The following TOP2A variants were observed in gnomAD, a reference collection of about 807,000 sequenced individuals.
TOP2A encodes the protein DNA topoisomerase II alpha.
A neutral mutation model predicts 187.2 loss-of-function variants in TOP2A; 68 were observed. That is an observed-to-expected ratio of 0.36 (90% CI 0.30 to 0.44). TOP2A has a LOEUF of 0.44. TOP2A is among the 20% of genes least tolerant of loss of function. The pLI, the probability that TOP2A is intolerant of heterozygous loss-of-function variation, is 1.00. For missense variants in TOP2A, 1,196 were observed against 1,808.7 expected (o/e 0.66, Z 6.14); for synonymous variants, 542 against 593.2 (o/e 0.91, Z 1.25).
chr17:40,392,928 C>T (rs1401748062), intron 29 of TOP2A, among the ~76,000 whole-genome samples, 191 bp from the exon 30 acceptor site: 1 of 152,062 alleles, frequency 6.6e-6, no homozygotes, highest in Non-Finnish European at 1.5e-5. Context: ...TAAATGTGGC[C>T]GGGCACAGTG....
intron 10 of TOP2A, chr17:40,409,071 G>A: frequency 5.8e-6 from 2 of 342,576 alleles, no homozygotes; most frequent in African/African-American, 2.2e-5. Flanking sequence ...GTGGGCACCT[G>A]TAATTCCAGC....
chr17:40,401,123 G>A (rs906342910), intron 20 of TOP2A, 42 bp from the exon 21 acceptor site: 1 of 1,528,556 alleles, frequency 6.5e-7, no homozygotes. Context: ...CAAAAATACT[G>A]AATTTCACAC....
chr17:40,391,832 T>G, intron 32 of TOP2A, 192 bp from the exon 33 acceptor site: 1 of 809,924 alleles, frequency 1.2e-6, no homozygotes, highest in Non-Finnish European at 1.8e-6. Context: ...TTATTTTTTG[T>G]ATCTCTAGCA....
intron 29 of TOP2A, among the ~76,000 whole-genome samples, chr17:40,393,213 A>G (rs2035048180): frequency 6.6e-6 from 1 of 152,002 alleles, no homozygotes; most frequent in African/African-American, 2.4e-5. Context: ...TCCAGCCACT[A>G]GGGAGGCGGA....
chr17:40,411,617 A>G lies in TOP2A; in HGVS notation c.963+28T>C, dbSNP rs766062781. 13 of 1,595,276 alleles carry G rather than the reference A, an allele frequency of 8.1e-6. No homozygotes were observed. Among genetic ancestry groups the G allele is most frequent in the Non-Finnish European group, 1.0e-5 (12 of 1,170,074 alleles). The stretch of plus-strand genomic sequence containing the variant: ...GAACACATATATGTAAAGATAAATC[A>G]TGATTAATAATTTAAGAATAAAATT... On this transcript the variant is annotated intron_variant, in intron 8 of 34. Coordinates refer to ENST00000423485, the MANE Select transcript of TOP2A (RefSeq NM_001067.4). The surrounding 1 kb of genome is among the most constrained non-coding windows in gnomAD (Gnocchi z 4.4).
At position 40,392,613 on chromosome 17, in the gene TOP2A, T is replaced by C; in HGVS notation, c.3936A>G (p.Pro1312=). The change falls in exon 30 of 35, where the codon CCA becomes CCG. Residue 1312 remains proline, a synonymous_variant. Coordinates refer to ENST00000423485, the MANE Select transcript of TOP2A (RefSeq NM_001067.4). ...CTGCTCTCCGTGGCTCTGTTTCTCG[T>C]GGAGGGACATCAAAATTACTTTCGT... ...SSDESNFDVP[P]RETEPRRAAT... is the part of the protein sequence containing the mutation. 1 of 1,613,182 alleles carries C rather than the reference T, an allele frequency of 6.2e-7. No individual in the cohort carries two copies. The highest frequency in any genetic ancestry group is 8.5e-7 in the Non-Finnish European group (1 of 1,179,714).
rs757136759 is a variant in TOP2A at position 40,408,123 on chromosome 17, C to T, written c.1344G>A (p.Gly448=). The T allele has an allele frequency of 8.8e-6, 14 of 1,587,258 alleles. No individual in the cohort carries two copies. The highest frequency in any genetic ancestry group is 1.2e-5 in the Non-Finnish European group (14 of 1,169,394). Residue 448 remains glycine (G), a splice_region_variant and synonymous_variant, in exon 12 of 35, where the codon GGG becomes GGA. Transcript: ENST00000423485. ...IPKLDDANDA[G]GRNSTECTLI... ...GCGTACACTCAGTGGAGTTTCGGCCCCCTAAAATAAAAATATACATATTAA... is the reference window on the plus strand; with the variant it reads ...GCGTACACTCAGTGGAGTTTCGGCCTCCTAAAATAAAAATATACATATTAA...
intron 10 of TOP2A, 41 bp from the exon 11 acceptor site, chr17:40,408,671 A>ATTTCT: frequency 6.3e-7 from 1 of 1,595,888 alleles, no homozygotes; most frequent in Non-Finnish European, 8.6e-7. Flanking sequence ...ATATTAGGGA[A>ATTTCT]GAAGGGATCT....
In TOP2A at chr17:40,392,106, C is replaced by T. The variant is rs2035028895; in HGVS notation, c.4094G>A (p.Ser1365Asn). 2 of 1,611,376 alleles carry T rather than the reference C, an allele frequency of 1.2e-6. No individual in the cohort carries two copies. The highest frequency in any genetic ancestry group is 1.1e-5 in the South Asian group (1 of 90,442). The change falls in exon 32 of 35, where the codon AGT (serine) becomes AAT (asparagine). Residue 1365 changes from serine to asparagine, a missense_variant. By Grantham distance (46) the Ser-to-Asn change is conservative (BLOSUM62 1). This residue lies in a region of TOP2A where 374 missense variants were observed against 403.3 expected (regional missense o/e 0.93). Coordinates refer to ENST00000423485, the MANE Select transcript of TOP2A (RefSeq NM_001067.4). ...TTTCTGTGGTTTCAGTTCTTTGTTA[C>T]TAAGTCTAGAATTAAAAAAAAAAAT... ...PPKTKTSPKL[S>N]NKELKPQKSV... is the part of the protein sequence containing the mutation.
At chr17:40,415,300 C>G (rs139400493) in intron 4 of TOP2A, among the ~76,000 whole-genome samples, 2 of 152,084 alleles carry the variant, frequency 1.3e-5, no homozygotes, top group African/African-American at 4.8e-5. Flanking sequence ...GTGATCCGCC[C>G]GCATCGGCCT....
chr17:40,416,993 G>A, intron 1 of TOP2A, 98 bp from the exon 2 acceptor site: 2 of 1,047,642 alleles, frequency 1.9e-6, no homozygotes, highest in East Asian at 2.5e-5. Context: ...ATGTCAACAT[G>A]CATTGCAATC....
At chr17:40,408,914 A>C (rs948525164) in intron 10 of TOP2A, 1 of 523,158 alleles carries the variant, frequency 1.9e-6, no homozygotes, top group African/African-American at 1.9e-5. Context: ...AACAAATTAG[A>C]CCAGGCACGG....
Position 40,400,340 on chromosome 17 carries a change from A to G in TOP2A, c.2869T>C (p.Tyr957His). 2 of 1,613,076 alleles carry G rather than the reference A, an allele frequency of 1.2e-6. No individual in the cohort carries two copies. Among genetic ancestry groups the G allele is most frequent in the Non-Finnish European group, 1.7e-6 (2 of 1,179,672 alleles). Residue 957 changes from tyrosine (Y) to histidine (H), a missense_variant, in exon 23 of 35, where the codon TAT becomes CAT. Physicochemically the swap from Tyr to His is moderately conservative, Grantham distance 83 (BLOSUM62 2). Coordinates refer to ENST00000423485, the MANE Select transcript of TOP2A (RefSeq NM_001067.4). ...TEKTPPLITD[Y>H]REYHTDTTVK... is the part of the protein sequence containing the mutation. ...GTGGTATCTGTATGGTATTCCCTAT[A>G]GTCTGTTATGAGAGGAGGTGTCTTC...
At chr17:40,395,302 AAAG>A in intron 29 of TOP2A, 144 bp downstream of exon 29, 3 of 424,812 alleles carry the variant, frequency 7.1e-6, no homozygotes, top group South Asian at 3.5e-5. Context: ...AAAAAAAAAA[AAAG>A]AGGTCCAAGT....
intron 16 of TOP2A, among the ~76,000 whole-genome samples, chr17:40,405,969 T>C (rs537360471): frequency 7.7e-4 from 118 of 152,294 alleles, no homozygotes; most frequent in Non-Finnish European, 1.2e-3. Flanking sequence ...GGTTTCACCT[T>C]GTTAGCCAGG....
intron 5 of TOP2A, 47 bp from the exon 6 acceptor site, chr17:40,413,339 G>A (rs1413254496): frequency 6.7e-7 from 1 of 1,486,258 alleles, no homozygotes; most frequent in Admixed American, 2.1e-5. Flanking sequence ...CTATCTCATT[G>A]ACAGCTTTAT....
intron 30 of TOP2A, 72 bp downstream of exon 30, chr17:40,392,513 G>T: frequency 6.6e-7 from 1 of 1,516,068 alleles, no homozygotes; most frequent in Non-Finnish European, 8.9e-7. Context: ...AATTTCTGGG[G>T]CAAAGTACCC....
At chr17:40,414,733 G>A (rs561640474) in intron 4 of TOP2A, among the ~76,000 whole-genome samples, 1 of 151,668 alleles carries the variant, frequency 6.6e-6, no homozygotes, top group African/African-American at 2.4e-5. Context: ...GTGTGCGCCT[G>A]TAATCCCAGC....
intron 10 of TOP2A, among the ~76,000 whole-genome samples, chr17:40,410,839 G>T (rs553167119): frequency 6.6e-6 from 1 of 152,306 alleles, no homozygotes; most frequent in South Asian, 2.1e-4. Flanking sequence ...CAAGTCTTAG[G>T]CATTTAAGTG....
Sources: allele counts gnomAD v4.1 joint callset (sites outside exome capture counted in the v4.1 genomes callset), GRCh38; gene constraint gnomAD v4.1.1; regional missense constraint gnomAD v4.1.1; non-coding constraint Gnocchi (gnomAD v3.1); transcripts MANE v1.5; gene names NCBI Gene and HGNC (gene_info 2026-07-23, HGNC 2026-07-21).